The following SMC5 variants were observed in gnomAD, a reference collection of about 807,000 sequenced individuals.
The protein encoded by SMC5 is structural maintenance of chromosomes 5, also known as structural maintenance of chromosomes protein 5.
In SMC5, 88 loss-of-function variants were observed where a neutral mutation model predicts 148.3. The ratio of observed to expected loss-of-function variants is 0.59; its 90% CI spans 0.50 to 0.71. SMC5 has a LOEUF of 0.71. Ranked by LOEUF, SMC5 falls within the 30% of genes least tolerant of loss-of-function variation. The probability of loss-of-function intolerance (pLI) is 0.00; values close to 1 mark genes in which losing one functional copy is unlikely to be tolerated. For synonymous variants in SMC5, 421 were observed against 432.8 expected (o/e 0.97, Z 0.34); for missense variants, 1,142 against 1,298.9 (o/e 0.88, Z 1.86).
chr9:70,347,477 AAG>A (rs1004223146), intron 20 of SMC5, 134 bp from the exon 21 acceptor site: 16 of 569,048 alleles, frequency 2.8e-5, no homozygotes, highest in Admixed American at 1.1e-4. Flanking sequence ...AGTATGTAAT[AAG>A]AGCATATATT....
intron 7 of SMC5, among the ~76,000 whole-genome samples, chr9:70,284,559 A>G (rs775662105): frequency 2.0e-4 from 30 of 152,310 alleles, no homozygotes; most frequent in African/African-American, 6.7e-4. Context: ...TATGTACATA[A>G]TAAATTTGAG....
intron 17 of SMC5, among the ~76,000 whole-genome samples, chr9:70,338,398 A>G (rs1225425578): frequency 1.3e-5 from 2 of 152,106 alleles, no homozygotes. Context: ...CCTTTGCCCA[A>G]TTTAGCCATT....
intron 8 of SMC5, among the ~76,000 whole-genome samples, chr9:70,294,929 G>A (rs187435163): frequency 6.6e-6 from 1 of 152,238 alleles, no homozygotes; most frequent in Admixed American, 6.5e-5. Context: ...GGTTGGGGAG[G>A]ATTTTCAGGG....
At chr9:70,265,849 C>G (rs1587614408) in intron 2 of SMC5, among the ~76,000 whole-genome samples, 1 of 152,274 alleles carries the variant, frequency 6.6e-6, no homozygotes, top group South Asian at 2.1e-4. Context: ...ACATTATAAT[C>G]TAGCTCCAAA....
chr9:70,268,018 CTTAGT>C, intron 3 of SMC5, 43 bp downstream of exon 3: 1 of 1,482,728 alleles, frequency 6.7e-7, no homozygotes, highest in Non-Finnish European at 9.3e-7. Flanking sequence ...CTATAAAATT[CTTAGT>C]TTATATTCAT....
intron 1 of SMC5, among the ~76,000 whole-genome samples, chr9:70,260,685 C>G (rs2034097040): frequency 1.3e-5 from 2 of 152,118 alleles, no homozygotes; most frequent in South Asian, 4.1e-4. Context: ...CAACATATAT[C>G]AGGATCCTTC....
chr9:70,262,670 A>G (rs1459849643), intron 1 of SMC5, among the ~76,000 whole-genome samples: 2 of 152,188 alleles, frequency 1.3e-5, no homozygotes, highest in Non-Finnish European at 2.9e-5. Flanking sequence ...ACCATTGCAT[A>G]TAGAGGTCAT....
At chr9:70,333,228 G>A (rs1356570053) in intron 17 of SMC5, among the ~76,000 whole-genome samples, 1 of 152,158 alleles carries the variant, frequency 6.6e-6, no homozygotes, top group African/African-American at 2.4e-5. Flanking sequence ...TCAATATATA[G>A]AAATTCATTG....
At chr9:70,332,662 A>G (rs1480481451) in intron 17 of SMC5, among the ~76,000 whole-genome samples, 3 of 152,208 alleles carry the variant, frequency 2.0e-5, no homozygotes, top group Non-Finnish European at 4.4e-5. Context: ...ACTAATACCT[A>G]TCATGAACAT....
At chr9:70,334,484 T>C (rs1587706367) in intron 17 of SMC5, among the ~76,000 whole-genome samples, 5 of 152,202 alleles carry the variant, frequency 3.3e-5, no homozygotes, top group Non-Finnish European at 7.3e-5. Context: ...TGGGAGAATA[T>C]ATTTGCAGTA....
intron 17 of SMC5, among the ~76,000 whole-genome samples, chr9:70,338,669 TC>T (rs2036429955): frequency 6.6e-6 from 1 of 152,244 alleles, no homozygotes; most frequent in Admixed American, 6.5e-5. Flanking sequence ...ATTCCAGTGT[TC>T]CTACCATTGT....
chr9:70,264,474 A>C (rs1198065021), intron 2 of SMC5, 29 bp downstream of exon 2: 1 of 1,609,346 alleles, frequency 6.2e-7, no homozygotes, highest in Non-Finnish European at 8.5e-7. Flanking sequence ...TTTTTAAGAA[A>C]TTTCAAACCT....
intron 17 of SMC5, among the ~76,000 whole-genome samples, 166 bp downstream of exon 17, chr9:70,324,309 A>G (rs553649704): frequency 1.3e-5 from 2 of 152,312 alleles, no homozygotes; most frequent in South Asian, 4.1e-4. Flanking sequence ...AATACTTAAG[A>G]CTGGTTGAGT....
rs555405018 is a variant in SMC5, at chr9:70,340,694, T to G, written c.2398-3450T>G. On this transcript the variant is annotated intron_variant, in intron 17 of 24. Transcript: ENST00000361138. ...TTTTCATTTTATTTGATTCTTATTT[T>G]AATGAACTGTTACTAAAATAACAGT... Among the ~76,000 whole-genome samples the G allele has an allele frequency of 3.9e-5, 6 of 152,244 alleles. No homozygotes were observed. The East Asian group carries it at 1.2e-3, about 29-fold the overall frequency.
Position 70,344,237 on chromosome 9 carries a change from G to A in SMC5, c.2491G>A (p.Ala831Thr). The change falls in exon 18 of 25, where the codon GCA becomes ACA. Residue 831 changes from alanine to threonine, a missense_variant. Physicochemically the swap from Ala to Thr is moderately conservative, Grantham distance 58. This residue lies in a region of SMC5 where 743 missense variants were observed against 835.7 expected (regional missense o/e 0.89). Transcript: ENST00000361138. Reference protein sequence around the residue: ...KRARQVCNLGAEQTLPQEYQT... With the variant: ...KRARQVCNLGTEQTLPQEYQT... ...AGCTAGGCAAGTATGTAACCTGGGT[G>A]CAGAGCAGACTCTTCCTCAAGAATA... is the stretch of plus-strand genomic sequence containing the variant. 1 of 1,525,708 alleles carries A rather than the reference G, an allele frequency of 6.6e-7. No homozygotes were observed. Among genetic ancestry groups the A allele is most frequent in the Non-Finnish European group, 8.8e-7 (1 of 1,133,566 alleles). The allele number at this position is 1,525,708 out of a possible 1,614,324, so 94.5% of individuals were successfully genotyped here.
At chr9:70,340,126 G>C (rs902254384) in intron 17 of SMC5, among the ~76,000 whole-genome samples, 1 of 152,020 alleles carries the variant, frequency 6.6e-6, no homozygotes, top group Non-Finnish European at 1.5e-5. Context: ...TCCTTTAAAA[G>C]TGTAGATTTA....
At chr9:70,262,382 T>C (rs2034161888) in intron 1 of SMC5, among the ~76,000 whole-genome samples, 1 of 152,232 alleles carries the variant, frequency 6.6e-6, no homozygotes, top group African/African-American at 2.4e-5. Context: ...ATTTTTCTTT[T>C]TTAACAAGTG....
intron 18 of SMC5, chr9:70,346,393 T>C (rs1803667241): frequency 5.1e-6 from 3 of 592,934 alleles, no homozygotes; most frequent in Non-Finnish European, 6.0e-6. Context: ...GGCCAAACAA[T>C]GTACTGATTG....
At chr9:70,294,482 G>A (rs1222840542) in intron 8 of SMC5, among the ~76,000 whole-genome samples, 1 of 152,186 alleles carries the variant, frequency 6.6e-6, no homozygotes, top group African/African-American at 2.4e-5. Flanking sequence ...ATCTTTCCAA[G>A]GGAGTGGTTA....
Sources: allele counts gnomAD v4.1 joint callset (sites outside exome capture counted in the v4.1 genomes callset), GRCh38; gene constraint gnomAD v4.1.1; regional missense constraint gnomAD v4.1.1; transcripts MANE v1.5; gene names NCBI Gene and HGNC (gene_info 2026-07-23, HGNC 2026-07-21).